RPL7A: variants seen among roughly 807,000 people sequenced by gnomAD.
RPL7A encodes ribosomal protein L7a.
For synonymous variants in RPL7A, 158 were observed against 128.2 expected, an observed-to-expected ratio of 1.23 and a Z score of -1.57; for missense variants, 291 against 338.2, an observed-to-expected ratio of 0.86 and a Z score of 1.09.
intron 1 of RPL7A, 169 bp from the exon 2 acceptor site, chr9:133,348,753 T>G: frequency 1.4e-4 from 143 of 992,376 alleles, no homozygotes; most frequent in Non-Finnish European, 2.1e-4. Flanking sequence ...CGGCTGAATG[T>G]GAGATGCTCC....
intron 7 of RPL7A, 95 bp downstream of exon 7, chr9:133,351,166 C>G: frequency 6.5e-7 from 1 of 1,528,312 alleles, no homozygotes; most frequent in Non-Finnish European, 9.0e-7. Context: ...ATCTGACGAT[C>G]AGCTTGGAAC....
At chr9:133,349,147 G>A (rs2129983817) in intron 2 of RPL7A, 105 bp downstream of exon 2, 2 of 1,354,148 alleles carry the variant, frequency 1.5e-6, no homozygotes, top group Non-Finnish European at 2.1e-6. Context: ...TAAAGTGGTC[G>A]CAGTCCTTAA....
rs2129976793 is a variant in RPL7A, at chr9:133,348,219, T to C, written c.-25T>C. 6.2e-7 allele frequency: 1 copy of C among 1,613,848 alleles called. No homozygotes were observed. The highest frequency in any genetic ancestry group is 1.3e-5 in the African/African-American group (1 of 74,900). The stretch of plus-strand genomic sequence containing the variant: ...ACATATTACCCACAATTCCCTTTCC[T>C]TTCTCTCTCCTCCCGCCGCCCAAGA... On this transcript the variant is annotated 5_prime_UTR_variant, in exon 1 of 8. Transcript: ENST00000323345.
rs2129977359 is a variant in RPL7A at position 133,348,258 on chromosome 9, G to T, written c.3+12G>T. ...CGCCGCCCAAGATGGTGAGTGAGCTGTAGTTCCGTGGCACTATAGCCAGGT... is the reference window on the plus strand; with the variant it reads ...CGCCGCCCAAGATGGTGAGTGAGCTTTAGTTCCGTGGCACTATAGCCAGGT... On this transcript the variant is annotated intron_variant, in intron 1 of 7. Coordinates refer to ENST00000323345, the MANE Select transcript of RPL7A (RefSeq NM_000972.3). 2 of 1,614,126 alleles carry T rather than the reference G, an allele frequency of 1.2e-6. No individual in the cohort carries two copies. The highest frequency in any genetic ancestry group is 4.5e-5 in the East Asian group (2 of 44,870).
In RPL7A at chr9:133,348,933, G is replaced by A. The variant is rs1836298395; in HGVS notation, c.15G>A (p.Lys5=). The change falls in exon 2 of 8, where the codon AAG becomes AAA. Residue 5 remains lysine, a synonymous_variant. Transcript: ENST00000323345. MPKG[K]KAKGKKVAPA... Reference sequence around the variant, plus strand: ...TTCTTTCTGCCCAGCCGAAAGGAAAGAAGGCCAAGGGAAAGAAGGTGGCTC... The same window carrying A: ...TTCTTTCTGCCCAGCCGAAAGGAAAAAAGGCCAAGGGAAAGAAGGTGGCTC... 6.2e-7 allele frequency: 1 copy of A among 1,613,978 alleles called. No homozygotes were observed. The highest frequency in any genetic ancestry group is 8.5e-7 in the Non-Finnish European group (1 of 1,179,996).
chr9:133,350,130 T>C, intron 4 of RPL7A, 78 bp downstream of exon 4: 2 of 1,613,246 alleles, frequency 1.2e-6, no homozygotes, highest in Non-Finnish European at 1.7e-6. Flanking sequence ...CTGAAATTAC[T>C]GTGAAGAGTA....
intron 6 of RPL7A, 60 bp downstream of exon 6, chr9:133,350,787 T>C: frequency 1.9e-6 from 3 of 1,605,220 alleles, no homozygotes; most frequent in Non-Finnish European, 2.6e-6. Flanking sequence ...GCCTCACAGT[T>C]GTTTCCTTTT....
intron 3 of RPL7A, 89 bp from the exon 4 acceptor site, chr9:133,349,823 A>T: frequency 6.3e-7 from 1 of 1,577,402 alleles, no homozygotes; most frequent in Non-Finnish European, 8.6e-7. Flanking sequence ...GTCATATAGC[A>T]GGACCGCAGT....
At chr9:133,349,509 A>C (rs782670277) in intron 2 of RPL7A, 42 bp from the exon 3 acceptor site, 4 of 1,613,836 alleles carry the variant, frequency 2.5e-6, no homozygotes, top group East Asian at 2.2e-5. Context: ...TGAACTTGAC[A>C]TGGAATTTGA....
Position 133,349,988 on chromosome 9 carries a change from G to A in RPL7A, c.351G>A (p.Arg117=), listed in dbSNP as rs2129990403. ...AGAAGAAGCAGAGACTGTTGGCCCG[G>A]GCCGAGAAGAAGGCTGCTGGCAAAG... ...KQEKKQRLLA[R]AEKKAAGKGD... The change falls in exon 4 of 8, where the codon CGG becomes CGA. Residue 117 remains arginine, a synonymous_variant. Transcript: ENST00000323345. 1.2e-6 allele frequency: 2 copies of A among 1,612,604 alleles called. No individual in the cohort carries two copies. The highest frequency in any genetic ancestry group is 1.7e-5 in the Admixed American group (1 of 60,018).
At position 133,348,904 on chromosome 9, in the gene RPL7A, C is replaced by A. The variant is rs2129981974; in HGVS notation, c.4-18C>A. On this transcript the variant is annotated intron_variant, in intron 1 of 7. Coordinates refer to ENST00000323345, the MANE Select transcript of RPL7A (RefSeq NM_000972.3). The stretch of plus-strand genomic sequence containing the variant: ...CGAGTGGAGGCGGCGGTTTAACTGA[C>A]GTTTTCTTTCTGCCCAGCCGAAAGG... 6.2e-7 allele frequency: 1 copy of A among 1,613,548 alleles called. No individual in the cohort carries two copies. Among genetic ancestry groups the A allele is most frequent in the South Asian group, 1.1e-5 (1 of 91,068 alleles).
chr9:133,349,706 G>A lies in RPL7A; in HGVS notation c.274+6G>A, dbSNP rs2129988088. On this transcript the variant is annotated splice_donor_region_variant and intron_variant, in intron 3 of 7. Coordinates refer to ENST00000323345, the MANE Select transcript of RPL7A (RefSeq NM_000972.3). ...GGCCCTGGACCGCCAAACAGGTGAG[G>A]TTCTGTGGCGTGGAAAGGAGTTTCT... The A allele has an allele frequency of 1.9e-6, 3 of 1,613,010 alleles. No individual in the cohort carries two copies. Among genetic ancestry groups the A allele is most frequent in the Non-Finnish European group, 2.5e-6 (3 of 1,179,468 alleles).
chr9:133,350,402 G>A lies in RPL7A; in HGVS notation c.495+83G>A, dbSNP rs1026981271. ...GTAGACCTAATGCCAAGTCAGTGAT[G>A]GGACCGAAGTGGGTGAGGGCAGTAC... is the stretch of plus-strand genomic sequence containing the variant. On this transcript the variant is annotated intron_variant, in intron 5 of 7. Transcript: ENST00000323345. The A allele has an allele frequency of 9.0e-6, 14 of 1,548,106 alleles. No individual in the cohort carries two copies. In the Admixed American group the frequency reaches 2.0e-4, roughly 22 times the overall value.
chr9:133,348,252 T>C lies in RPL7A; in HGVS notation c.3+6T>C, dbSNP rs2129977221. The C allele has an allele frequency of 8.1e-6, 13 of 1,613,828 alleles. No individual in the cohort carries two copies. In the East Asian group the frequency reaches 2.0e-4, roughly 25 times the overall value. ...TCCTCCCGCCGCCCAAGATGGTGAGTGAGCTGTAGTTCCGTGGCACTATAG... is the reference window on the plus strand; with the variant it reads ...TCCTCCCGCCGCCCAAGATGGTGAGCGAGCTGTAGTTCCGTGGCACTATAG... On this transcript the variant is annotated splice_donor_region_variant and intron_variant, in intron 1 of 7. Coordinates refer to ENST00000323345, the MANE Select transcript of RPL7A (RefSeq NM_000972.3).
rs1836395704 is a variant in RPL7A at position 133,351,383 on chromosome 9, T to C, written c.*17T>C. 6.6e-7 allele frequency: 1 copy of C among 1,510,134 alleles called. No homozygotes were observed. Among genetic ancestry groups the C allele is most frequent in the South Asian group, 1.1e-5 (1 of 88,680 alleles). 93.5% of individuals were successfully genotyped at this position (1,510,134 alleles called of 1,614,324 possible). On this transcript the variant is annotated 3_prime_UTR_variant, in exon 8 of 8. Transcript: ENST00000323345. The stretch of plus-strand genomic sequence containing the variant: ...CTGGGTTAAATGTACACTGTTGAGT[T>C]TTCTGTACATAAAAATAATTGAAAT...
At position 133,350,258 on chromosome 9, in the gene RPL7A, C is replaced by G. The variant is rs1371843942; in HGVS notation, c.434C>G (p.Thr145Ser). The G allele has an allele frequency of 6.2e-7, 1 of 1,613,836 alleles. No individual in the cohort carries two copies. Among genetic ancestry groups the G allele is most frequent in the Non-Finnish European group, 8.5e-7 (1 of 1,180,044 alleles). ...VLRAGVNTVTTLVENKKAQLV... is the reference protein window; with the variant it reads ...VLRAGVNTVTSLVENKKAQLV... ...GTTCTAGGAGTTAACACCGTCACCA[C>G]CTTGGTGGAGAACAAGAAAGCTCAG... The change falls in exon 5 of 8, where the codon ACC becomes AGC. Residue 145 changes from threonine (T) to serine (S), a missense_variant. Physicochemically the swap from Thr to Ser is moderately conservative, Grantham distance 58. Coordinates refer to ENST00000323345, the MANE Select transcript of RPL7A (RefSeq NM_000972.3).
chr9:133,350,913 A>G (rs2129996887), intron 6 of RPL7A, 89 bp from the exon 7 acceptor site: 3 of 1,527,410 alleles, frequency 2.0e-6, no homozygotes, highest in East Asian at 4.5e-5. Flanking sequence ...TCTGAGGCAA[A>G]AGACTGTCTT....
intron 2 of RPL7A, 61 bp downstream of exon 2, chr9:133,349,103 G>T (rs1836304526): frequency 1.3e-6 from 2 of 1,595,764 alleles, no homozygotes; most frequent in African/African-American, 2.7e-5. Flanking sequence ...GGTGGTAATT[G>T]GGTTGTGTTG....
rs1294210054 is a variant in RPL7A, at chr9:133,351,156, A to G, written c.696+85A>G. On this transcript the variant is annotated intron_variant, in intron 7 of 7. Coordinates refer to ENST00000323345, the MANE Select transcript of RPL7A (RefSeq NM_000972.3). ...GCTGGCTTAACCTATGAGAAGTTCT[A>G]TCTGACGATCAGCTTGGAACAGCCA... 2.2e-5 allele frequency: 34 copies of G among 1,545,008 alleles called. No individual in the cohort carries two copies. The East Asian group carries it at 3.6e-4, about 16-fold the overall frequency.
Sources: gnomAD v4.1 joint callset for allele counts on GRCh38, gnomAD v4.1.1 for gene constraint, MANE v1.5 for transcripts, NCBI Gene and HGNC (gene_info 2026-07-23, HGNC 2026-07-21) for gene names.